The following LARGE1 variants were observed in gnomAD, a reference collection of about 807,000 sequenced individuals.
The protein encoded by LARGE1 is LARGE xylosyl- and glucuronyltransferase 1, also known as xylosyl- and glucuronyltransferase LARGE1.
Under a neutral mutation model 87.6 loss-of-function variants are expected in LARGE1, and 43 were observed. The ratio of observed to expected loss-of-function variants is 0.49; its 90% CI spans 0.38 to 0.63. The LOEUF is 0.63. Among genes scored for constraint, LARGE1 ranks in the 30% least tolerant of loss-of-function variants. LARGE1 has a pLI of 0.00. For synonymous variants in LARGE1, 434 were observed against 394.6 expected (o/e 1.10, Z -1.18); for missense variants, 802 against 1,000.2 (o/e 0.80, Z 2.67).
the LARGE1 span, among the ~76,000 whole-genome samples, chr22:33,136,707 A>T: frequency 1.3e-5 from 2 of 152,184 alleles, no homozygotes; most frequent in African/African-American, 4.8e-5. Context: ...GGCAATACAA[A>T]GCCTTAAGAT....
intron 1 of LARGE1, among the ~76,000 whole-genome samples, chr22:33,852,652 GC>G (rs1373876546): frequency 6.6e-6 from 1 of 151,876 alleles, no homozygotes; most frequent in African/African-American, 2.4e-5. Flanking sequence ...TTCGAGACCA[GC>G]CTGGGCAACA....
intron 12 of LARGE1, among the ~76,000 whole-genome samples, chr22:33,285,822 C>A (rs995858404): frequency 1.3e-5 from 2 of 152,096 alleles, no homozygotes; most frequent in Non-Finnish European, 2.9e-5. Context: ...CAGAAGGACA[C>A]AGGACATCAG....
At chr22:33,515,212 A>G (rs5994764) in intron 6 of LARGE1, among the ~76,000 whole-genome samples, 178 of 152,180 alleles carry the variant, frequency 1.2e-3, no homozygotes, top group African/African-American at 4.2e-3. Flanking sequence ...CCAAAGCCAC[A>G]CTTGTTGGTG....
At chr22:33,894,931 T>C (rs1246135851) in intron 1 of LARGE1, among the ~76,000 whole-genome samples, 6 of 152,110 alleles carry the variant, frequency 3.9e-5, no homozygotes, top group Admixed American at 3.3e-4. Context: ...TATACCAAAG[T>C]GGAATGCCTG....
At chr22:33,356,336 C>T (rs796249407) in intron 9 of LARGE1, among the ~76,000 whole-genome samples, 6 of 152,160 alleles carry the variant, frequency 3.9e-5, no homozygotes, top group Admixed American at 2.6e-4. Flanking sequence ...CCCAAGGTCC[C>T]GTCTGCTTAG....
At chr22:33,156,297 A>G in the LARGE1 span, among the ~76,000 whole-genome samples, 1 of 152,262 alleles carries the variant, frequency 6.6e-6, no homozygotes, top group East Asian at 1.9e-4. Flanking sequence ...CAGACACTCA[A>G]CACCAGCCCA....
rs1024844461 is a variant in LARGE1, at chr22:33,565,034, G to T, written c.616-15C>A. 1 of 1,613,000 alleles carries T rather than the reference G, an allele frequency of 6.2e-7. No homozygotes were observed. The highest frequency in any genetic ancestry group is 8.5e-7 in the Non-Finnish European group (1 of 1,179,022). ...GAAACTTCAGACTAGACAGAACAAG[G>T]CAGAGAGAGAGTTGGAGAAAGGGAA... On this transcript the variant is annotated splice_polypyrimidine_tract_variant and intron_variant, in intron 5 of 14. Transcript: ENST00000397394.
At chr22:33,907,392 T>G (rs1388812235) in intron 1 of LARGE1, among the ~76,000 whole-genome samples, 2 of 152,200 alleles carry the variant, frequency 1.3e-5, no homozygotes, top group Non-Finnish European at 2.9e-5. Flanking sequence ...CGATCCTCCC[T>G]AGCCAGTCCC....
chr22:33,407,284 C>G (rs1025820053), intron 7 of LARGE1, among the ~76,000 whole-genome samples: 5 of 152,142 alleles, frequency 3.3e-5, no homozygotes, highest in Admixed American at 1.3e-4. Context: ...CTCAGCCTCC[C>G]AAGTAGCGGG....
At chr22:33,817,218 T>C (rs2086680122) in intron 1 of LARGE1, among the ~76,000 whole-genome samples, 1 of 152,116 alleles carries the variant, frequency 6.6e-6, no homozygotes, top group African/African-American at 2.4e-5. Context: ...AACAGCCTTG[T>C]CTCCCATCTA....
At chr22:33,692,457 C>T (rs1239794523) in intron 2 of LARGE1, among the ~76,000 whole-genome samples, 1 of 152,172 alleles carries the variant, frequency 6.6e-6, no homozygotes, top group African/African-American at 2.4e-5. Flanking sequence ...AGTACAGGCA[C>T]CCGTCATCAC....
At chr22:33,388,892 T>C (rs1473165293) in intron 7 of LARGE1, among the ~76,000 whole-genome samples, 2 of 152,192 alleles carry the variant, frequency 1.3e-5, no homozygotes, top group Non-Finnish European at 2.9e-5. Context: ...TTATTCAACA[T>C]ATTAACTCAG....
At chr22:33,528,061 T>C (rs74809359) in intron 6 of LARGE1, among the ~76,000 whole-genome samples, 4,247 of 133,064 alleles carry the variant, frequency 0.032, 82 homozygotes, top group South Asian at 0.087. Context: ...TAAAATATTC[T>C]AGCAACAGAT....
intron 6 of LARGE1, among the ~76,000 whole-genome samples, chr22:33,542,375 CTG>C (rs2077238096): frequency 6.6e-6 from 1 of 151,704 alleles, no homozygotes; most frequent in Non-Finnish European, 1.5e-5. Flanking sequence ...CTTCCTCACT[CTG>C]TGTCTCCATT....
intron 3 of LARGE1, among the ~76,000 whole-genome samples, chr22:33,648,913 T>A (rs2080704376): frequency 6.6e-6 from 1 of 152,198 alleles, no homozygotes; most frequent in African/African-American, 2.4e-5. Flanking sequence ...CAGAATGAGA[T>A]ACAAAACACG....
At chr22:33,436,684 A>T (rs535558127) in intron 6 of LARGE1, 1 of 152,754 alleles carries the variant, frequency 6.5e-6, no homozygotes, top group Admixed American at 6.5e-5. Context: ...GGTGAGTTTC[A>T]GAGGCAACCA....
intron 6 of LARGE1, among the ~76,000 whole-genome samples, chr22:33,549,398 C>G (rs930813508): frequency 2.0e-5 from 3 of 152,182 alleles, no homozygotes; most frequent in African/African-American, 7.2e-5. Flanking sequence ...CAAGTTGTTC[C>G]CTCTTGTAAT....
rs944287534 is a variant in LARGE1 at position 33,406,452 on chromosome 22, C to G, written c.893-22148G>C. On this transcript the variant is annotated intron_variant, in intron 7 of 14. Coordinates refer to ENST00000397394, the MANE Select transcript of LARGE1 (RefSeq NM_133642.5). Reference sequence around the variant, plus strand: ...GCTTGCAGGATTTCCTGCTTACTACCACACCGAGACAGAGTTCAAAGAAGC... The same window carrying G: ...GCTTGCAGGATTTCCTGCTTACTACGACACCGAGACAGAGTTCAAAGAAGC... Among the ~76,000 whole-genome samples the G allele has an allele frequency of 4.7e-4, 72 of 152,206 alleles. 1 individual carries two copies. Among genetic ancestry groups the G allele is most frequent in the African/African-American group, 1.7e-3 (71 of 41,530 alleles).
At chr22:33,068,248 G>A in the LARGE1 span, among the ~76,000 whole-genome samples, 1 of 152,168 alleles carries the variant, frequency 6.6e-6, no homozygotes, top group South Asian at 2.1e-4. Context: ...TTGAGATTGT[G>A]CATAAAGATT....
Sources: allele counts gnomAD v4.1 joint callset (sites outside exome capture counted in the v4.1 genomes callset), GRCh38; gene constraint gnomAD v4.1.1; transcripts MANE v1.5; gene names NCBI Gene and HGNC (gene_info 2026-07-23, HGNC 2026-07-21).